Variants in KCNIP4 observed in about 807,000 individuals in gnomAD.
KCNIP4 encodes the protein potassium voltage-gated channel interacting protein 4, also known as Kv channel-interacting protein 4.
Under a neutral mutation model 34.0 loss-of-function variants are expected in KCNIP4, and 12 were observed. The observed-to-expected ratio is 0.35, with a 90% CI of 0.23 to 0.57. KCNIP4 has a LOEUF of 0.57. Ranked by LOEUF, KCNIP4 falls within the 20% of genes least tolerant of loss-of-function variation. The pLI is 0.83. For synonymous variants in KCNIP4, 124 were observed against 102.2 expected (o/e 1.21, Z -1.29); for missense variants, 238 against 311.7 (o/e 0.76, Z 1.78).
intron 1 of KCNIP4, among the ~76,000 whole-genome samples, chr4:20,958,400 C>A (rs181317281): frequency 9.2e-5 from 14 of 152,254 alleles, no homozygotes; most frequent in Admixed American, 8.5e-4. Context: ...CAATAGAAAC[C>A]CTTTGCATTC....
chr4:21,229,036 T>A (rs950396400), intron 1 of KCNIP4, among the ~76,000 whole-genome samples: 3 of 152,192 alleles, frequency 2.0e-5, no homozygotes, highest in Non-Finnish European at 4.4e-5. Context: ...AATGATTGAA[T>A]CCATTTGCAA....
At chr4:21,718,424 T>G (rs535971391) in intron 1 of KCNIP4, 3 of 152,338 alleles carry the variant, frequency 2.0e-5, no homozygotes, top group Non-Finnish European at 4.4e-5. Context: ...CAATTATGTA[T>G]TCAACCAAAA....
intron 1 of KCNIP4, among the ~76,000 whole-genome samples, chr4:21,083,267 C>T (rs1249177255): frequency 2.6e-5 from 4 of 151,810 alleles, no homozygotes; most frequent in African/African-American, 7.3e-5. Context: ...CTCTTCCTCT[C>T]TCTTTTTTTT....
intron 2 of KCNIP4, among the ~76,000 whole-genome samples, chr4:20,861,427 A>G (rs779006945): frequency 6.6e-6 from 1 of 152,120 alleles, no homozygotes; most frequent in Non-Finnish European, 1.5e-5. Flanking sequence ...CAGTCAATCC[A>G]TTTGAAACAC....
At chr4:21,947,279 A>T (rs1166521320) in intron 1 of KCNIP4, among the ~76,000 whole-genome samples, 1 of 152,222 alleles carries the variant, frequency 6.6e-6, no homozygotes, top group African/African-American at 2.4e-5. Flanking sequence ...AGCATTTCTC[A>T]CAAGAGATAA....
At chr4:21,281,234 G>C (rs1337518897) in intron 1 of KCNIP4, among the ~76,000 whole-genome samples, 2 of 151,522 alleles carry the variant, frequency 1.3e-5, no homozygotes, top group Non-Finnish European at 2.9e-5. Flanking sequence ...CTACAGGCAC[G>C]CACCACCACG....
chr4:20,940,208 T>C (rs573717804), intron 1 of KCNIP4, among the ~76,000 whole-genome samples: 14 of 152,326 alleles, frequency 9.2e-5, no homozygotes, highest in African/African-American at 3.4e-4. Context: ...ACATTTCTTC[T>C]AGGAAGGCTC....
intron 1 of KCNIP4, among the ~76,000 whole-genome samples, chr4:21,503,947 A>G (rs1733573995): frequency 6.6e-6 from 1 of 152,220 alleles, no homozygotes; most frequent in Non-Finnish European, 1.5e-5. Flanking sequence ...CTGACATTTA[A>G]TTACATAGAT....
intron 1 of KCNIP4, among the ~76,000 whole-genome samples, chr4:21,930,401 C>T (rs760564857): frequency 2.1e-4 from 32 of 152,134 alleles, no homozygotes; most frequent in Admixed American, 4.6e-4. Context: ...GGAACTGCCT[C>T]ATAATTTCCT....
At position 21,869,783 on chromosome 4, in the gene KCNIP4, T is replaced by TAGATAGAC. The variant is rs1553940907; in HGVS notation, c.61+78787_61+78788insGTCTATCT. ...ATAGATAGATAGATAGATAGATAGA[T>TAGATAGAC]AGACAGACAGACAGATAGATAGATA... On this transcript the variant is annotated intron_variant, in intron 1 of 8. Coordinates refer to ENST00000382152, the MANE Select transcript of KCNIP4 (RefSeq NM_025221.6). Among the ~76,000 whole-genome samples the TAGATAGAC allele has an allele frequency of 2.1e-3, 304 of 143,844 alleles. 3 individuals carry two copies. The highest frequency in any genetic ancestry group is 5.4e-3 in the East Asian group (26 of 4,786). 94.4% of individuals were successfully genotyped at this position (143,844 alleles called of 152,430 possible).
At chr4:20,908,901 T>C (rs10938817) in intron 1 of KCNIP4, among the ~76,000 whole-genome samples, 151,794 of 152,358 alleles carry the variant, frequency 1, 75,617 homozygotes, top group Middle Eastern at 1. Flanking sequence ...GTGCTCATTG[T>C]TTAGTAAATA....
intron 1 of KCNIP4, chr4:21,303,737 T>C (rs990804768): frequency 4.8e-6 from 6 of 1,258,860 alleles, no homozygotes; most frequent in African/African-American, 4.4e-5. Context: ...AGGTGCCTCT[T>C]ACATTCACCT....
intron 1 of KCNIP4, among the ~76,000 whole-genome samples, chr4:21,362,955 C>G (rs1367905033): frequency 1.3e-5 from 2 of 152,106 alleles, no homozygotes; most frequent in Non-Finnish European, 2.9e-5. Flanking sequence ...CTCCAGCTCA[C>G]CCATTTTATT....
At chr4:21,672,718 T>C (rs933621901) in intron 1 of KCNIP4, among the ~76,000 whole-genome samples, 6 of 152,228 alleles carry the variant, frequency 3.9e-5, no homozygotes, top group Admixed American at 1.3e-4. Flanking sequence ...ACCCTCAAAG[T>C]TGGCATATTA....
At chr4:21,550,460 C>A (rs1019608409) in intron 1 of KCNIP4, among the ~76,000 whole-genome samples, 5 of 152,062 alleles carry the variant, frequency 3.3e-5, no homozygotes, top group African/African-American at 1.2e-4. Context: ...ATAGCCTCAT[C>A]GAAAATTTCT....
chr4:21,791,703 C>T (rs1463376684), intron 1 of KCNIP4, among the ~76,000 whole-genome samples: 1 of 151,936 alleles, frequency 6.6e-6, no homozygotes, highest in Non-Finnish European at 1.5e-5. Context: ...CATTCCTCAG[C>T]TGTAGAAAGC....
intron 1 of KCNIP4, among the ~76,000 whole-genome samples, chr4:21,826,570 T>C (rs973232224): frequency 1.3e-5 from 2 of 152,086 alleles, no homozygotes; most frequent in African/African-American, 4.8e-5. Flanking sequence ...TAATCAAAAA[T>C]TTTTAAACGG....
intron 1 of KCNIP4, among the ~76,000 whole-genome samples, chr4:21,243,844 G>C (rs1760017706): frequency 6.6e-6 from 1 of 152,142 alleles, no homozygotes. Flanking sequence ...TTGCATGCTA[G>C]AGGCCTCGGT....
Position 20,778,856 on chromosome 4 carries a change from GA to G in KCNIP4, c.289-19967del, listed in dbSNP as rs529632980. Among the ~76,000 whole-genome samples, 181 of 152,256 alleles carry G rather than the reference GA, an allele frequency of 1.2e-3. 1 individual carries two copies. Among genetic ancestry groups the G allele is most frequent in the Non-Finnish European group, 1.6e-3 (108 of 68,014 alleles). ...AGAATGAGACTTGCCAATAGTTAGA[GA>G]GAGCTGTGTGTGCATGTAAAAGTTG... On this transcript the variant is annotated intron_variant, in intron 3 of 8. Coordinates refer to ENST00000382152, the MANE Select transcript of KCNIP4 (RefSeq NM_025221.6).
Sources: gnomAD v4.1 joint callset for allele counts (sites outside exome capture counted in the v4.1 genomes callset) on GRCh38, gnomAD v4.1.1 for gene constraint, MANE v1.5 for transcripts, NCBI Gene and HGNC (gene_info 2026-07-23, HGNC 2026-07-21) for gene names.